The following FRMPD4 variants were observed in gnomAD, a reference collection of about 807,000 sequenced individuals.
FRMPD4 encodes the protein FERM and PDZ domain-containing protein 4.
A neutral mutation model predicts 94.1 loss-of-function variants in FRMPD4; 22 were observed. The observed-to-expected ratio is 0.23, with a 90% CI of 0.17 to 0.33. The LOEUF (loss-of-function observed/expected upper bound fraction) is 0.33, where lower values mean the gene tolerates loss of function less well. Ranked by LOEUF, FRMPD4 falls within the 10% of genes least tolerant of loss-of-function variation. The pLI is 1.00. For missense variants in FRMPD4, 1,111 were observed against 1,339.9 expected (o/e 0.83, Z 2.67); for synonymous variants, 631 against 548.6 (o/e 1.15, Z -2.10).
At chrX:12,158,078 T>C (rs891237424) in intron 1 of FRMPD4, among the ~76,000 whole-genome samples, 13 of 112,133 alleles carry the variant, frequency 1.2e-4, no homozygotes, top group African/African-American at 4.2e-4. Flanking sequence ...AAAATTGATA[T>C]TATCATTACC....
intron 13 of FRMPD4, among the ~76,000 whole-genome samples, chrX:12,710,107 G>A (rs1318031257): frequency 4.7e-5 from 5 of 105,369 alleles, no homozygotes; most frequent in African/African-American, 1.4e-4. Context: ...CAGTCTCGGC[G>A]ACAGAGCGAG....
At chrX:12,112,889 G>C (rs1363092392) in intron 3 of FRMPD4, among the ~76,000 whole-genome samples, 1 of 111,223 alleles carries the variant, frequency 9.0e-6, no homozygotes, top group Non-Finnish European at 1.9e-5. Flanking sequence ...CCACAAGGGT[G>C]GGGTGACCAA....
At chrX:12,624,001 C>T (rs112057320) in intron 4 of FRMPD4, among the ~76,000 whole-genome samples, 6 of 111,924 alleles carry the variant, frequency 5.4e-5, no homozygotes, top group East Asian at 2.8e-4. Context: ...CAACACAGTG[C>T]GATCCCATCT....
chrX:12,433,705 G>A (rs953646509), intron 1 of FRMPD4, among the ~76,000 whole-genome samples: 2 of 112,162 alleles, frequency 1.8e-5, no homozygotes, highest in African/African-American at 6.5e-5. Flanking sequence ...AAATATTTGA[G>A]AAATTCAGCA....
At chrX:12,701,521 C>G (rs766958930) in intron 9 of FRMPD4, among the ~76,000 whole-genome samples, 2 of 111,687 alleles carry the variant, frequency 1.8e-5, no homozygotes, top group Non-Finnish European at 3.8e-5. Context: ...ATTCCAATTC[C>G]GGCAGCCTAA....
At chrX:12,624,354 G>T (rs1244926593) in intron 4 of FRMPD4, among the ~76,000 whole-genome samples, 1 of 112,186 alleles carries the variant, frequency 8.9e-6, no homozygotes. Context: ...AACATGTAAA[G>T]TATTACATCA....
chrX:12,705,624 G>A (rs1316898598), intron 11 of FRMPD4, among the ~76,000 whole-genome samples: 2 of 110,882 alleles, frequency 1.8e-5, no homozygotes, highest in Non-Finnish European at 3.8e-5. Context: ...TGATCACAGT[G>A]AGCATTCAGC....
At chrX:12,713,684 C>T (rs765804752) in intron 14 of FRMPD4, among the ~76,000 whole-genome samples, 3 of 111,601 alleles carry the variant, frequency 2.7e-5, no homozygotes, top group African/African-American at 6.5e-5. Flanking sequence ...CCCATCAGGC[C>T]AGTTCTTCCC....
At chrX:12,412,709 G>A (rs752531142) in intron 1 of FRMPD4, among the ~76,000 whole-genome samples, 28 of 111,966 alleles carry the variant, frequency 2.5e-4, no homozygotes, top group Non-Finnish European at 4.5e-4. Flanking sequence ...GTGGTTCCTG[G>A]GAGAGGAATT....
chrX:12,224,765 A>G (rs2056905087), intron 1 of FRMPD4, among the ~76,000 whole-genome samples: 1 of 111,688 alleles, frequency 9.0e-6, no homozygotes, highest in African/African-American at 3.3e-5. Context: ...CTAATCTTTC[A>G]GTGTGCTCCT....
At chrX:11,977,043 G>A (rs1044566095) in intron 3 of FRMPD4, among the ~76,000 whole-genome samples, 1 of 110,974 alleles carries the variant, frequency 9.0e-6, no homozygotes, top group Non-Finnish European at 1.9e-5. Context: ...GGAAACAGTC[G>A]GGTAAATTAT....
intron 12 of FRMPD4, among the ~76,000 whole-genome samples, 157 bp downstream of exon 12, chrX:12,707,072 T>C: frequency 9.0e-6 from 1 of 110,700 alleles, no homozygotes; most frequent in East Asian, 2.8e-4. Flanking sequence ...AATGTTAAAC[T>C]AGATAACACC....
chrX:12,097,909 G>A (rs2055220367), intron 3 of FRMPD4, among the ~76,000 whole-genome samples: 1 of 112,346 alleles, frequency 8.9e-6, no homozygotes, highest in African/African-American at 3.2e-5. Flanking sequence ...GTGGATATAT[G>A]TTTCCATTTC....
At chrX:12,312,953 G>A (rs1032739080) in intron 1 of FRMPD4, among the ~76,000 whole-genome samples, 12 of 111,368 alleles carry the variant, frequency 1.1e-4, no homozygotes, top group African/African-American at 3.9e-4. Context: ...CCTTGGCAGA[G>A]GATGTCAGGG....
At chrX:12,349,304 C>T (rs1007030283) in intron 1 of FRMPD4, among the ~76,000 whole-genome samples, 1 of 110,789 alleles carries the variant, frequency 9.0e-6, no homozygotes, top group Non-Finnish European at 1.9e-5. Context: ...AAACCATATG[C>T]AGACCTTCTA....
intron 3 of FRMPD4, among the ~76,000 whole-genome samples, chrX:11,934,426 T>C (rs1026457201): frequency 8.9e-6 from 1 of 111,734 alleles, no homozygotes; most frequent in African/African-American, 3.2e-5. Flanking sequence ...CCTGGCTGCT[T>C]GAGACAGTGG....
intron 7 of FRMPD4, among the ~76,000 whole-genome samples, chrX:12,689,425 T>C (rs768345268): frequency 2.0e-4 from 22 of 112,361 alleles, no homozygotes; most frequent in African/African-American, 6.1e-4. Context: ...ATTTAATCTT[T>C]ATATCCGTTC....
At chrX:12,545,635 G>T (rs1359088779) in intron 2 of FRMPD4, among the ~76,000 whole-genome samples, 1 of 112,872 alleles carries the variant, frequency 8.9e-6, no homozygotes, top group Non-Finnish European at 1.9e-5. Context: ...TGGGCTGTGT[G>T]TGCTATTTTA....
At chrX:12,334,199 T>C (rs2055478954) in intron 1 of FRMPD4, among the ~76,000 whole-genome samples, 1 of 112,200 alleles carries the variant, frequency 8.9e-6, no homozygotes, top group Non-Finnish European at 1.9e-5. Flanking sequence ...CTTTTGGTCA[T>C]ATTTTCTTCT....
Sources: gnomAD v4.1 joint callset for allele counts (sites outside exome capture counted in the v4.1 genomes callset) on GRCh38, gnomAD v4.1.1 for gene constraint, MANE v1.5 for transcripts, NCBI Gene and HGNC (gene_info 2026-07-23, HGNC 2026-07-21) for gene names.